Variants in ULK4 observed in about 807,000 individuals in gnomAD.
The protein encoded by ULK4 is unc-51 like kinase 4.
ULK4 carries 133 observed loss-of-function variants against 160.6 expected under a neutral mutation model. The ratio of observed to expected loss-of-function variants is 0.83; its 90% CI spans 0.72 to 0.96. The LOEUF (loss-of-function observed/expected upper bound fraction) is 0.96, where lower values mean the gene tolerates loss of function less well. ULK4 is among the 40% of genes least tolerant of loss of function. The pLI is 0.00. For missense variants in ULK4, 1,580 were observed against 1,499.5 expected (o/e 1.05, Z -0.89); for synonymous variants, 534 against 539.8 (o/e 0.99, Z 0.15).
chr3:41,472,412 T>A (rs1161881456), intron 32 of ULK4, among the ~76,000 whole-genome samples: 1 of 151,516 alleles, frequency 6.6e-6, no homozygotes, highest in Non-Finnish European at 1.5e-5. Context: ...CTAATAAAAA[T>A]ACAAAAATTA....
intron 18 of ULK4, among the ~76,000 whole-genome samples, chr3:41,825,142 T>G (rs1486371566): frequency 6.6e-6 from 1 of 152,042 alleles, no homozygotes; most frequent in Non-Finnish European, 1.5e-5. Flanking sequence ...AGAAGGGACA[T>G]CCACACCAAA....
intron 31 of ULK4, among the ~76,000 whole-genome samples, chr3:41,578,207 C>A (rs1233067664): frequency 3.9e-5 from 6 of 152,142 alleles, no homozygotes; most frequent in Non-Finnish European, 1.5e-5. Context: ...ATAGAATATT[C>A]TAAGGAAGTA....
intron 29 of ULK4, among the ~76,000 whole-genome samples, chr3:41,674,387 C>G (rs1180881057): frequency 6.6e-6 from 1 of 152,204 alleles, no homozygotes; most frequent in Non-Finnish European, 1.5e-5. Flanking sequence ...TTCTGTTAAA[C>G]ACTGCCTCTT....
intron 32 of ULK4, among the ~76,000 whole-genome samples, chr3:41,498,021 AG>A (rs1472302099): frequency 6.6e-6 from 1 of 152,266 alleles, no homozygotes; most frequent in African/African-American, 2.4e-5. Context: ...AATCAGCTAT[AG>A]AAAATCTGAA....
chr3:41,924,280 A>T (rs964245013), intron 5 of ULK4, among the ~76,000 whole-genome samples: 2 of 152,136 alleles, frequency 1.3e-5, no homozygotes, highest in Non-Finnish European at 2.9e-5. Flanking sequence ...GAATTCTCAA[A>T]GTCTCCAGGA....
chr3:41,878,440 G>A (rs1697391219), intron 17 of ULK4, among the ~76,000 whole-genome samples: 1 of 152,052 alleles, frequency 6.6e-6, no homozygotes. Flanking sequence ...AGATTTCTCA[G>A]GTACCAACTC....
chr3:41,506,767 A>AAAAAAAAAAAAAAAAATATATAAAT, intron 32 of ULK4, among the ~76,000 whole-genome samples: 2 of 56,764 alleles, frequency 3.5e-5, no homozygotes, highest in African/African-American at 8.2e-5. Flanking sequence ...TGTGATTTAA[A>AAAAAAAAAAAAAAAAATATATAAAT]ATATATATAT....
At chr3:41,945,227 C>T (rs1700078551) in intron 2 of ULK4, among the ~76,000 whole-genome samples, 1 of 152,122 alleles carries the variant, frequency 6.6e-6, no homozygotes, top group Non-Finnish European at 1.5e-5. Context: ...ACATCCAAAC[C>T]ATACTGCCTC....
At chr3:41,829,460 C>G (rs1047252246) in intron 18 of ULK4, among the ~76,000 whole-genome samples, 1 of 151,506 alleles carries the variant, frequency 6.6e-6, no homozygotes, top group African/African-American at 2.4e-5. Context: ...AAAAAACAAA[C>G]AACCCCATCA....
At chr3:41,820,688 C>A (rs2041118998) in intron 18 of ULK4, among the ~76,000 whole-genome samples, 1 of 152,106 alleles carries the variant, frequency 6.6e-6, no homozygotes, top group East Asian at 1.9e-4. Context: ...ATGTTCACTA[C>A]CTGGGAGGTA....
At chr3:41,581,578 C>T (rs2030346180) in intron 31 of ULK4, among the ~76,000 whole-genome samples, 1 of 152,122 alleles carries the variant, frequency 6.6e-6, no homozygotes, top group Non-Finnish European at 1.5e-5. Flanking sequence ...AAATAATCTC[C>T]ACTGCACACA....
chr3:41,809,459 T>C (rs2040754202), intron 19 of ULK4, among the ~76,000 whole-genome samples: 1 of 152,208 alleles, frequency 6.6e-6, no homozygotes, highest in Admixed American at 6.5e-5. Flanking sequence ...GTATTTCAGA[T>C]GTTAATTTTG....
At chr3:41,529,074 C>G (rs1188034951) in intron 32 of ULK4, among the ~76,000 whole-genome samples, 1 of 152,218 alleles carries the variant, frequency 6.6e-6, no homozygotes, top group Non-Finnish European at 1.5e-5. Flanking sequence ...CAAAGCGCAT[C>G]TTGAGAGAAA....
At chr3:41,479,396 T>G (rs1327195378) in intron 32 of ULK4, among the ~76,000 whole-genome samples, 1 of 152,208 alleles carries the variant, frequency 6.6e-6, no homozygotes, top group Non-Finnish European at 1.5e-5. Flanking sequence ...ACAGCCCATA[T>G]AAATATATTG....
At chr3:41,522,760 T>G (rs1407942043) in intron 32 of ULK4, among the ~76,000 whole-genome samples, 1 of 152,216 alleles carries the variant, frequency 6.6e-6, no homozygotes, top group Non-Finnish European at 1.5e-5. Flanking sequence ...AATTATGGTC[T>G]CAGTCTCTGC....
At chr3:41,562,052 T>C (rs983405529) in intron 32 of ULK4, among the ~76,000 whole-genome samples, 3 of 152,234 alleles carry the variant, frequency 2.0e-5, no homozygotes, top group African/African-American at 7.2e-5. Context: ...GAGATTCTGG[T>C]ACGTTGTGTC....
At chr3:41,893,269 A>G (rs1343885075) in intron 16 of ULK4, among the ~76,000 whole-genome samples, 1 of 152,234 alleles carries the variant, frequency 6.6e-6, no homozygotes, top group Admixed American at 6.5e-5. Context: ...TATACATAAA[A>G]ATGGCTAAAA....
intron 31 of ULK4, among the ~76,000 whole-genome samples, chr3:41,579,629 G>A (rs1006565920): frequency 6.6e-6 from 1 of 151,560 alleles, no homozygotes; most frequent in African/African-American, 2.4e-5. Flanking sequence ...GTGTAGCTGG[G>A]ACTACAGGCG....
intron 31 of ULK4, among the ~76,000 whole-genome samples, chr3:41,588,479 T>C (rs1253072484): frequency 6.6e-6 from 1 of 152,184 alleles, no homozygotes. Context: ...TCTGAACTTT[T>C]ATCTATGGGC....
Sources: gnomAD v4.1 joint callset for allele counts (sites outside exome capture counted in the v4.1 genomes callset) on GRCh38, gnomAD v4.1.1 for gene constraint, MANE v1.5 for transcripts, NCBI Gene and HGNC (gene_info 2026-07-23, HGNC 2026-07-21) for gene names.